Variants in TMEFF2 observed in about 807,000 individuals in gnomAD.
TMEFF2 encodes the protein transmembrane protein with EGF like and two follistatin like domains 2, also known as tomoregulin-2.
In TMEFF2, 28 loss-of-function variants were observed where a neutral mutation model predicts 53.8. The observed-to-expected ratio is 0.52, with a 90% confidence interval of 0.39 to 0.71. The LOEUF is 0.71. TMEFF2 is among the 30% of genes least tolerant of loss of function. The probability of loss-of-function intolerance (pLI) is 0.00; values close to 1 mark genes in which losing one functional copy is unlikely to be tolerated. For missense variants in TMEFF2, 353 were observed against 455.2 expected (o/e 0.78, Z 2.04); for synonymous variants, 162 against 166.3 (o/e 0.97, Z 0.20).
intron 4 of TMEFF2, among the ~76,000 whole-genome samples, chr2:192,060,043 A>ATTT (rs5837281): frequency 4.4e-4 from 65 of 146,958 alleles, no homozygotes; most frequent in African/African-American, 1.1e-3. Flanking sequence ...CGTGGATCAT[A>ATTT]TTTTTTTTTT....
chr2:192,120,238 C>T (rs1428482746), intron 4 of TMEFF2, among the ~76,000 whole-genome samples: 1 of 152,100 alleles, frequency 6.6e-6, no homozygotes, highest in Non-Finnish European at 1.5e-5. Context: ...AGAGGACTGG[C>T]CTTACATTTT....
chr2:191,950,419 G>GA lies in TMEFF2; in HGVS notation c.1029-13dup. 6.2e-7 allele frequency: 1 copy of GA among 1,613,916 alleles called. No homozygotes were observed. The highest frequency in any genetic ancestry group is 8.5e-7 in the Non-Finnish European group (1 of 1,179,942). ...TTCTGGGGCATTTCCTGGAAGGTTG[G>GA]AAAGTTTACAAATCTCAGTCCAATG... On this transcript the variant is annotated splice_polypyrimidine_tract_variant and intron_variant, in intron 9 of 9. Coordinates refer to ENST00000272771, the MANE Select transcript of TMEFF2 (RefSeq NM_016192.4).
At chr2:191,998,576 A>G (rs913114956) in intron 6 of TMEFF2, among the ~76,000 whole-genome samples, 5 of 151,940 alleles carry the variant, frequency 3.3e-5, no homozygotes, top group African/African-American at 9.7e-5. Context: ...AAAATTGGTC[A>G]AAGGAGTAAC....
chr2:192,165,166 A>G (rs1690732527), intron 4 of TMEFF2, among the ~76,000 whole-genome samples: 2 of 152,222 alleles, frequency 1.3e-5, no homozygotes, highest in African/African-American at 4.8e-5. Flanking sequence ...ATATTTTAAT[A>G]TGAAAGTTTA....
intron 7 of TMEFF2, among the ~76,000 whole-genome samples, chr2:191,994,566 G>GACACAC (rs72485334): frequency 0.018 from 2,688 of 149,072 alleles, 77 homozygotes; most frequent in African/African-American, 0.062. Context: ...AGACATGAGG[G>GACACAC]ACACACACAC....
At chr2:192,082,396 A>C (rs1427153747) in intron 4 of TMEFF2, among the ~76,000 whole-genome samples, 1 of 152,204 alleles carries the variant, frequency 6.6e-6, no homozygotes, top group Admixed American at 6.5e-5. Flanking sequence ...CAGAGTTAGC[A>C]TGCTAAATAT....
At chr2:192,176,939 G>A in intron 4 of TMEFF2, 1 of 151,070 alleles carries the variant, frequency 6.6e-6, no homozygotes, top group Admixed American at 6.6e-5. Flanking sequence ...TGTTTTACAA[G>A]TAAATTTGTT....
Position 192,096,515 on chromosome 2 carries a change from T to A in TMEFF2, c.440-38740A>T, listed in dbSNP as rs140644244. On this transcript the variant is annotated intron_variant, in intron 4 of 9. Transcript: ENST00000272771. ...TTTGTTTTACAAATGAACCCATTATTCTGAATATTATTTTAAAAATTTAAA... is the reference window on the plus strand; with the variant it reads ...TTTGTTTTACAAATGAACCCATTATACTGAATATTATTTTAAAAATTTAAA... Among the ~76,000 whole-genome samples the A allele has an allele frequency of 1.5e-3, 230 of 152,246 alleles. 1 individual carries two copies. The highest frequency in any genetic ancestry group is 5.2e-3 in the African/African-American group (218 of 41,568).
chr2:192,140,416 T>C (rs1690109353), intron 4 of TMEFF2, among the ~76,000 whole-genome samples: 1 of 152,174 alleles, frequency 6.6e-6, no homozygotes, highest in African/African-American at 2.4e-5. Flanking sequence ...TAGGCTGAAT[T>C]ATAGGAATGT....
At chr2:192,184,576 A>G in intron 2 of TMEFF2, 93 bp from the exon 3 acceptor site, 1 of 1,459,664 alleles carries the variant, frequency 6.9e-7, no homozygotes, top group East Asian at 2.3e-5. Flanking sequence ...AAAAGAAACC[A>G]CTTGTCTTCA....
At chr2:191,956,705 A>C (rs973150856) in intron 7 of TMEFF2, among the ~76,000 whole-genome samples, 1 of 152,188 alleles carries the variant, frequency 6.6e-6, no homozygotes, top group Non-Finnish European at 1.5e-5. Flanking sequence ...ATACTCCAAG[A>C]AGAAATATCC....
chr2:192,112,057 G>A lies in TMEFF2; in HGVS notation c.440-54282C>T, dbSNP rs1272243453. On this transcript the variant is annotated intron_variant, in intron 4 of 9. Transcript: ENST00000272771. Reference sequence around the variant, plus strand: ...AGACCTCATGAGAACCTCTGCTAGAGCAGCGCAGAAGAAAAATGTGGGGTT... The same window carrying A: ...AGACCTCATGAGAACCTCTGCTAGAACAGCGCAGAAGAAAAATGTGGGGTT... 2.0e-5 allele frequency among the ~76,000 whole-genome samples: 3 copies of A among 152,216 alleles called. No homozygotes were observed. In the East Asian group the frequency reaches 5.8e-4, roughly 29 times the overall value.
intron 2 of TMEFF2, among the ~76,000 whole-genome samples, chr2:192,185,760 C>A (rs1336962143): frequency 6.6e-6 from 1 of 152,026 alleles, no homozygotes; most frequent in Non-Finnish European, 1.5e-5. Flanking sequence ...TCCTAATCAA[C>A]TATTTAACTC....
intron 5 of TMEFF2, among the ~76,000 whole-genome samples, chr2:192,012,858 T>C (rs1404615900): frequency 6.6e-6 from 1 of 152,140 alleles, no homozygotes; most frequent in Non-Finnish European, 1.5e-5. Flanking sequence ...ATAGAAAAAT[T>C]AGTAAAAATG....
intron 4 of TMEFF2, among the ~76,000 whole-genome samples, chr2:192,113,182 T>C (rs559309089): frequency 2.0e-5 from 3 of 152,310 alleles, no homozygotes; most frequent in Admixed American, 2.0e-4. Flanking sequence ...ATATTTAGGC[T>C]TATACACTAT....
At chr2:192,152,623 T>C (rs1008521532) in intron 4 of TMEFF2, among the ~76,000 whole-genome samples, 1 of 151,718 alleles carries the variant, frequency 6.6e-6, no homozygotes, top group Admixed American at 6.6e-5. Context: ...ACACAGCAGA[T>C]AGTTGCTATG....
chr2:192,127,872 T>C (rs1689715921), intron 4 of TMEFF2, among the ~76,000 whole-genome samples: 1 of 152,234 alleles, frequency 6.6e-6, no homozygotes, highest in Non-Finnish European at 1.5e-5. Context: ...CTTACACTAT[T>C]ACATTCTTCT....
chr2:192,135,030 C>G (rs1689964245), intron 4 of TMEFF2, among the ~76,000 whole-genome samples: 1 of 152,190 alleles, frequency 6.6e-6, no homozygotes, highest in Non-Finnish European at 1.5e-5. Context: ...CCCATTTAAG[C>G]TCCTGTATAG....
chr2:192,028,837 G>A (rs1687042634), intron 5 of TMEFF2: 1 of 151,854 alleles, frequency 6.6e-6, no homozygotes, highest in Non-Finnish European at 1.5e-5. Context: ...ACCTGGCATA[G>A]TACAATATAA....
Sources: gnomAD v4.1 joint callset for allele counts (sites outside exome capture counted in the v4.1 genomes callset) on GRCh38, gnomAD v4.1.1 for gene constraint, MANE v1.5 for transcripts, NCBI Gene and HGNC (gene_info 2026-07-23, HGNC 2026-07-21) for gene names.